Variants in PCM1 observed in about 807,000 individuals in gnomAD.
PCM1 encodes pericentriolar material 1 protein.
A neutral mutation model predicts 241.9 loss-of-function variants in PCM1; 157 were observed. The observed-to-expected ratio is 0.65, with a 90% CI of 0.57 to 0.74. The LOEUF (loss-of-function observed/expected upper bound fraction) is 0.74, where lower values mean the gene tolerates loss of function less well. PCM1 is among the 30% of genes least tolerant of loss of function. PCM1 has a pLI of 0.00. For synonymous variants in PCM1, 1,085 were observed against 784.9 expected, an observed-to-expected ratio of 1.38 and a Z score of -6.39; for missense variants, 3,478 against 2,360.1, an observed-to-expected ratio of 1.47 and a Z score of -9.81.
chr8:17,996,092 T>C (rs571206850), intron 29 of PCM1, among the ~76,000 whole-genome samples: 27 of 152,322 alleles, frequency 1.8e-4, no homozygotes, highest in Non-Finnish European at 2.5e-4. Context: ...GTGGTGAAAG[T>C]GGACATCCTT....
chr8:18,021,358 A>G (rs1468776050), intron 36 of PCM1, among the ~76,000 whole-genome samples: 2 of 152,122 alleles, frequency 1.3e-5, no homozygotes, highest in Admixed American at 6.5e-5. Flanking sequence ...AGCTGGAAAG[A>G]CCCTTAAGAT....
At chr8:17,950,779 G>C in intron 8 of PCM1, 55 bp downstream of exon 8, 1 of 980,704 alleles carries the variant, frequency 1.0e-6, no homozygotes, top group South Asian at 1.4e-5. Flanking sequence ...AATTAGAACA[G>C]TGATTCAGAA....
rs1456000300 is a variant in PCM1 at position 17,957,246 on chromosome 8, C to CTGTT, written c.1647-16_1647-13dup. ...TTTTTGTGCCTTAAATGACTTCAGG[C>CTGTT]TGTTTTCTTTCTTCTAGAAATCCAC... On this transcript the variant is annotated splice_polypyrimidine_tract_variant and intron_variant, in intron 11 of 38. Transcript: ENST00000325083. The CTGTT allele has an allele frequency of 6.4e-7, 1 of 1,564,448 alleles. No individual in the cohort carries two copies. The highest frequency in any genetic ancestry group is 1.9e-5 in the Admixed American group (1 of 53,384).
intron 26 of PCM1, among the ~76,000 whole-genome samples, chr8:17,988,454 TA>T (rs2083346083): frequency 6.6e-6 from 1 of 151,830 alleles, no homozygotes; most frequent in Non-Finnish European, 1.5e-5. Flanking sequence ...TTAAAACTTT[TA>T]AAAGAAAATG....
In PCM1 at chr8:17,946,520, G is replaced by A. The variant is rs1010989776; in HGVS notation, c.784-666G>A. ...TCCTTTTTTCTTTTTTCTTTGAGAC[G>A]GGGTCTCGCTCTGTCACCCAGGCTG... On this transcript the variant is annotated intron_variant, in intron 6 of 38. Transcript: ENST00000325083. Among the ~76,000 whole-genome samples the A allele has an allele frequency of 5.3e-5, 8 of 149,726 alleles. No homozygotes were observed. The East Asian group carries it at 7.8e-4, about 15-fold the overall frequency.
chr8:17,937,965 A>G (rs17125991), intron 4 of PCM1, among the ~76,000 whole-genome samples: 1,757 of 152,292 alleles, frequency 0.012, 33 homozygotes, highest in African/African-American at 0.04. Flanking sequence ...CTATTTATCA[A>G]TTATTGAACA....
chr8:17,964,362 A>G (rs1212884127), intron 17 of PCM1, among the ~76,000 whole-genome samples: 1 of 152,214 alleles, frequency 6.6e-6, no homozygotes, highest in Non-Finnish European at 1.5e-5. Context: ...TATTTGAAGA[A>G]TTGTTTTGAG....
At chr8:17,940,706 A>G (rs1005016781) in intron 6 of PCM1, among the ~76,000 whole-genome samples, 1 of 152,214 alleles carries the variant, frequency 6.6e-6, no homozygotes, top group Admixed American at 6.5e-5. Context: ...AATGAGAAAA[A>G]TGCTGTAATT....
At chr8:18,016,349 A>C (rs2093194762) in intron 36 of PCM1, among the ~76,000 whole-genome samples, 1 of 152,334 alleles carries the variant, frequency 6.6e-6, no homozygotes, top group South Asian at 2.1e-4. Flanking sequence ...CTAGAACTCT[A>C]GCAAATTTTA....
At position 17,965,954 on chromosome 8, in the gene PCM1, C is replaced by T. The variant is rs766555919; in HGVS notation, c.2856-45C>T. ...GAGTTTATTGCTGTATTTTAAAAAC[C>T]AAATTATTATGTATGATGACTTAAT... is the stretch of plus-strand genomic sequence containing the variant. On this transcript the variant is annotated intron_variant, in intron 18 of 38. Coordinates refer to ENST00000325083, the MANE Select transcript of PCM1 (RefSeq NM_006197.4). 12 of 1,444,288 alleles carry T rather than the reference C, an allele frequency of 8.3e-6. No homozygotes were observed. In the African/African-American group the frequency reaches 1.7e-4, roughly 21 times the overall value. 89.5% of individuals were successfully genotyped at this position (1,444,288 alleles called of 1,614,324 possible). A position where few individuals can be genotyped will look rare whatever the true frequency, so the allele number is the denominator to read the frequency against.
At chr8:18,016,221 G>A (rs187126755) in intron 36 of PCM1, among the ~76,000 whole-genome samples, 31 of 152,212 alleles carry the variant, frequency 2.0e-4, no homozygotes, top group East Asian at 7.7e-4. Context: ...TCCAGAGGTC[G>A]AACTAGATGT....
chr8:17,998,726 A>G (rs1051757528), intron 29 of PCM1, among the ~76,000 whole-genome samples: 6 of 152,196 alleles, frequency 3.9e-5, no homozygotes, highest in African/African-American at 1.4e-4. Context: ...TACTATTAGC[A>G]GGTGGGGAAG....
At chr8:17,935,209 C>G (rs1437246025) in intron 2 of PCM1, among the ~76,000 whole-genome samples, 1 of 152,218 alleles carries the variant, frequency 6.6e-6, no homozygotes, top group African/African-American at 2.4e-5. Flanking sequence ...CATCCCAAGT[C>G]CATTGTCAGA....
In PCM1 at chr8:17,962,099, A is replaced by G. The variant is rs2072550309; in HGVS notation, c.2388A>G (p.Pro796=). Residue 796 remains proline (P), a synonymous_variant, in exon 16 of 39, where the codon CCA becomes CCG. Coordinates refer to ENST00000325083, the MANE Select transcript of PCM1 (RefSeq NM_006197.4). ...KKYMPAVTST[P]TVNQHETSTS... is the part of the protein sequence containing the mutation. ...ATATGCCAGCTGTTACTTCAACCCCAACTGTTAATCAACACGAGACCAGTA... is the reference window on the plus strand; with the variant it reads ...ATATGCCAGCTGTTACTTCAACCCCGACTGTTAATCAACACGAGACCAGTA... 1.2e-6 allele frequency: 2 copies of G among 1,611,944 alleles called. No individual in the cohort carries two copies. The highest frequency in any genetic ancestry group is 2.7e-5 in the African/African-American group (2 of 75,020).
chr8:17,967,396 C>T (rs1263381343), intron 21 of PCM1, among the ~76,000 whole-genome samples: 1 of 151,990 alleles, frequency 6.6e-6, no homozygotes, highest in African/African-American at 2.4e-5. Flanking sequence ...GCAGCCTCCA[C>T]CTCCCAGGTT....
chr8:17,974,915 A>G (rs543406551), intron 23 of PCM1, among the ~76,000 whole-genome samples: 2 of 152,040 alleles, frequency 1.3e-5, no homozygotes, highest in East Asian at 3.9e-4. Flanking sequence ...TGATAGCAGA[A>G]TCAAACTATA....
rs1187216264 is a variant in PCM1, at chr8:17,939,719, A to G, written c.641A>G (p.Asp214Gly). Residue 214 changes from aspartate to glycine, a missense_variant, in exon 6 of 39, where the codon GAT becomes GGT. By Grantham distance (94) the Asp-to-Gly change is moderately conservative (BLOSUM62 -1). Transcript: ENST00000325083. ...GTAAGCAGGCTTGTTCAAATTCGCG[A>G]TTATATTACTAAAGCTAGTTCCATG... ...QIVSRLVQIR[D>G]YITKASSMRE... 6.5e-7 allele frequency: 1 copy of G among 1,545,032 alleles called. No homozygotes were observed. The highest frequency in any genetic ancestry group is 8.7e-7 in the Non-Finnish European group (1 of 1,145,252).
Position 17,993,767 on chromosome 8 carries a change from C to T in PCM1, c.4827+148C>T, listed in dbSNP as rs73573626. 6.5e-3 allele frequency: 3,734 copies of T among 575,184 alleles called. 124 individuals are homozygous for T. The highest frequency in any genetic ancestry group is 0.065 in the African/African-American group (3,400 of 52,444). 35.6% of individuals were successfully genotyped at this position (575,184 alleles called of 1,614,324 possible). On this transcript the variant is annotated intron_variant, in intron 29 of 38. Coordinates refer to ENST00000325083, the MANE Select transcript of PCM1 (RefSeq NM_006197.4). The stretch of plus-strand genomic sequence containing the variant: ...ATAATTTTTTCACCCTACCAACATT[C>T]TCTGAACCTTTCAGTAATATTTTAT...
At chr8:18,018,001 A>G (rs1008620461) in intron 36 of PCM1, among the ~76,000 whole-genome samples, 7 of 152,234 alleles carry the variant, frequency 4.6e-5, no homozygotes. Context: ...GGAGTCACGT[A>G]CAGTGTTGGT....
Sources: allele counts gnomAD v4.1 joint callset (sites outside exome capture counted in the v4.1 genomes callset), GRCh38; gene constraint gnomAD v4.1.1; transcripts MANE v1.5; gene names NCBI Gene and HGNC (gene_info 2026-07-23, HGNC 2026-07-21).